The following ZBTB16 variants were observed in gnomAD, a reference collection of about 807,000 sequenced individuals.
ZBTB16 encodes zinc finger and BTB domain-containing protein 16.
A neutral mutation model predicts 56.8 loss-of-function variants in ZBTB16; 8 were observed. The ratio of observed to expected loss-of-function variants is 0.14; its 90% CI spans 0.08 to 0.25. ZBTB16 has a LOEUF of 0.25. Among genes scored for constraint, ZBTB16 ranks in the 10% least tolerant of loss-of-function variants. The probability of loss-of-function intolerance (pLI) is 1.00; values close to 1 mark genes in which losing one functional copy is unlikely to be tolerated. For missense variants in ZBTB16, 625 were observed against 903.0 expected (o/e 0.69, Z 3.95); for synonymous variants, 363 against 368.5 (o/e 0.98, Z 0.17).
intron 2 of ZBTB16, among the ~76,000 whole-genome samples, chr11:114,144,046 C>T (rs1414097380): frequency 6.6e-6 from 1 of 152,064 alleles, no homozygotes; most frequent in South Asian, 2.1e-4. Context: ...GAAGAGGATT[C>T]GTATTTGTTG....
intron 3 of ZBTB16, among the ~76,000 whole-genome samples, chr11:114,169,902 CA>C (rs1942908449): frequency 6.6e-6 from 1 of 152,122 alleles, no homozygotes; most frequent in African/African-American, 2.4e-5. Flanking sequence ...CAAGAGGAAG[CA>C]AGAACTTCTG....
At chr11:114,100,837 C>G (rs1940579739) in intron 2 of ZBTB16, among the ~76,000 whole-genome samples, 1 of 152,166 alleles carries the variant, frequency 6.6e-6, no homozygotes, top group Non-Finnish European at 1.5e-5. Flanking sequence ...TTCTAAAGAT[C>G]AGCGATCTAC....
At position 114,064,596 on chromosome 11, in the gene ZBTB16, A is replaced by T. The variant is rs1276180361; in HGVS notation, c.1268+28A>T. ...AGGCCCCGCTCCAGCCCCGCACCTG[A>T]TGTAGGACTTGAGGCCCTCACACCC... On this transcript the variant is annotated intron_variant, in intron 2 of 6. Transcript: ENST00000335953. The surrounding 1 kb of genome is among the most constrained non-coding windows in gnomAD (Gnocchi z 4.2). The T allele has an allele frequency of 1.9e-6, 3 of 1,611,844 alleles. No individual in the cohort carries two copies. In the East Asian group the frequency reaches 6.7e-5, roughly 36 times the overall value.
intron 2 of ZBTB16, among the ~76,000 whole-genome samples, chr11:114,121,621 AT>A (rs1382667565): frequency 6.6e-6 from 1 of 152,104 alleles, no homozygotes; most frequent in Non-Finnish European, 1.5e-5. Context: ...TATTATCTCC[AT>A]TTTGCAGGTG....
intron 3 of ZBTB16, among the ~76,000 whole-genome samples, chr11:114,181,700 G>A (rs1372532158): frequency 6.6e-6 from 1 of 152,104 alleles, no homozygotes; most frequent in African/African-American, 2.4e-5. Context: ...GTGGGATCTC[G>A]TGCCTGCACC....
At chr11:114,162,929 G>T (rs1055853918) in intron 3 of ZBTB16, among the ~76,000 whole-genome samples, 2 of 152,108 alleles carry the variant, frequency 1.3e-5, no homozygotes, top group Non-Finnish European at 2.9e-5. Flanking sequence ...CTTTTTCCCA[G>T]AGTGGTGTCG....
chr11:114,071,607 A>AT (rs1191352666), intron 2 of ZBTB16, among the ~76,000 whole-genome samples: 6 of 152,188 alleles, frequency 3.9e-5, no homozygotes, highest in East Asian at 3.9e-4. Flanking sequence ...AATCACTTTA[A>AT]TTTTTTTTAT....
chr11:114,093,481 A>G (rs550427971), intron 2 of ZBTB16, among the ~76,000 whole-genome samples: 37 of 152,190 alleles, frequency 2.4e-4, no homozygotes, highest in African/African-American at 6.5e-4. Context: ...GTCCTTGCCC[A>G]TCTTTGAGAG....
At position 114,142,212 on chromosome 11, in the gene ZBTB16, A is replaced by G. The variant is rs547555641; in HGVS notation, c.1269-14125A>G. 9.8e-5 allele frequency among the ~76,000 whole-genome samples: 15 copies of G among 152,298 alleles called. No homozygotes were observed. In the South Asian group the frequency reaches 3.1e-3, roughly 32 times the overall value. On this transcript the variant is annotated intron_variant, in intron 2 of 6. Transcript: ENST00000335953. Reference sequence around the variant, plus strand: ...TTGTGGCAGCGGTGGTTAAGGATTAAGGCATTGTGTGGAGTATGGTGGGGG... The same window carrying G: ...TTGTGGCAGCGGTGGTTAAGGATTAGGGCATTGTGTGGAGTATGGTGGGGG...
At chr11:114,086,877 A>T (rs1255250109) in intron 2 of ZBTB16, among the ~76,000 whole-genome samples, 2 of 152,158 alleles carry the variant, frequency 1.3e-5, no homozygotes, top group Non-Finnish European at 2.9e-5. Flanking sequence ...ATTACTTTCA[A>T]TGGCAAAAAC....
chr11:114,158,541 A>G (rs1942488233), intron 3 of ZBTB16, among the ~76,000 whole-genome samples: 1 of 152,072 alleles, frequency 6.6e-6, no homozygotes, highest in Non-Finnish European at 1.5e-5. Flanking sequence ...ATTTGAAGCT[A>G]TCTTTGGGTG....
At chr11:114,182,313 G>A (rs1037880817) in intron 3 of ZBTB16, among the ~76,000 whole-genome samples, 5 of 152,148 alleles carry the variant, frequency 3.3e-5, no homozygotes, top group African/African-American at 1.2e-4. Context: ...GCCTCCCAAA[G>A]TGCTGGGATT....
At chr11:114,173,028 A>C (rs1023617456) in intron 3 of ZBTB16, among the ~76,000 whole-genome samples, 2 of 152,170 alleles carry the variant, frequency 1.3e-5, no homozygotes, top group Non-Finnish European at 2.9e-5. Context: ...ATTATGGTGC[A>C]GGGGGTAAGG....
chr11:114,146,459 G>A (rs962095696), intron 2 of ZBTB16, among the ~76,000 whole-genome samples: 19 of 152,048 alleles, frequency 1.2e-4, no homozygotes, highest in Non-Finnish European at 4.4e-5. Flanking sequence ...GCTCTATACT[G>A]TCCATGTCAG....
At position 114,254,144 on chromosome 11, in the gene ZBTB16, C is replaced by T. The variant is rs1311847012; in HGVS notation, c.*3589C>T. Among the ~76,000 whole-genome samples, 1 of 151,688 alleles carries T rather than the reference C, an allele frequency of 6.6e-6. No homozygotes were observed. The highest frequency in any genetic ancestry group is 1.9e-4 in the East Asian group (1 of 5,162). ...TTCACTCATTCAAAGCATTAAAATCCTATGTATATATAGGATAGACAAATA... is the reference window on the plus strand; with the variant it reads ...TTCACTCATTCAAAGCATTAAAATCTTATGTATATATAGGATAGACAAATA... On this transcript the variant is annotated 3_prime_UTR_variant, in exon 7 of 7. Coordinates refer to ENST00000335953, the MANE Select transcript of ZBTB16 (RefSeq NM_006006.6).
At chr11:114,061,138 C>G (rs944777393) in intron 1 of ZBTB16, among the ~76,000 whole-genome samples, 9 of 151,390 alleles carry the variant, frequency 5.9e-5, no homozygotes, top group African/African-American at 2.2e-4. Context: ...CGGTGGGGGT[C>G]GCTGGGAACT....
chr11:114,116,656 G>A (rs367989324), intron 2 of ZBTB16, among the ~76,000 whole-genome samples: 3 of 152,284 alleles, frequency 2.0e-5, no homozygotes, highest in East Asian at 1.9e-4. Context: ...AGAAGTAATG[G>A]TGAGGCGTAA....
chr11:114,244,212 C>G (rs2135203994), intron 5 of ZBTB16, among the ~76,000 whole-genome samples: 1 of 152,082 alleles, frequency 6.6e-6, no homozygotes, highest in South Asian at 2.1e-4. Context: ...ATCCCTGATT[C>G]ACACGGCTCA....
intron 3 of ZBTB16, among the ~76,000 whole-genome samples, chr11:114,166,597 C>T (rs1942764964): frequency 6.6e-6 from 1 of 152,168 alleles, no homozygotes; most frequent in Non-Finnish European, 1.5e-5. Flanking sequence ...GATTTAAAAA[C>T]TAAATGAGCT....
Sources: allele counts gnomAD v4.1 joint callset (sites outside exome capture counted in the v4.1 genomes callset), GRCh38; gene constraint gnomAD v4.1.1; non-coding constraint Gnocchi (gnomAD v3.1); transcripts MANE v1.5; gene names NCBI Gene and HGNC (gene_info 2026-07-23, HGNC 2026-07-21).